Variants in IGLL5 observed in about 807,000 individuals in gnomAD.
IGLL5 encodes the protein immunoglobulin lambda like polypeptide 5.
A neutral mutation model predicts 20.9 loss-of-function variants in IGLL5; 30 were observed. The ratio of observed to expected loss-of-function variants is 1.44; its 90% CI spans 1.07 to 1.95. The LOEUF (loss-of-function observed/expected upper bound fraction) is 1.95, where lower values mean the gene tolerates loss of function less well. Among genes scored for constraint, IGLL5 ranks in the 30% most tolerant of loss-of-function variants. The pLI, the probability that IGLL5 is intolerant of heterozygous loss-of-function variation, is 0.00. For missense variants in IGLL5, 475 were observed against 270.7 expected (o/e 1.75, Z -5.30); for synonymous variants, 203 against 117.3 (o/e 1.73, Z -4.72).
rs1161473606 is a variant in IGLL5 at position 22,895,997 on chromosome 22, C to T, written c.*303C>T. The T allele has an allele frequency of 3.7e-6, 2 of 539,386 alleles. No homozygotes were observed. Among genetic ancestry groups the T allele is most frequent in the Non-Finnish European group, 3.3e-6 (1 of 301,126 alleles). The allele number at this position is 539,386 out of a possible 1,614,324, so 33.4% of individuals were successfully genotyped here. ...CAGAGGGTCCTTCCTCTCCCAGTCACCCCTTCTCCAACTCTCCACTGTACC... is the reference window on the plus strand; with the variant it reads ...CAGAGGGTCCTTCCTCTCCCAGTCATCCCTTCTCCAACTCTCCACTGTACC... On this transcript the variant is annotated 3_prime_UTR_variant, in exon 3 of 3. Transcript: ENST00000526893.
intron 1 of IGLL5, among the ~76,000 whole-genome samples, chr22:22,889,407 A>T (rs79580098): frequency 2.3e-4 from 35 of 151,236 alleles, no homozygotes; most frequent in Non-Finnish European, 4.1e-4. Context: ...GTGTTTATCT[A>T]AACTGGGCAA....
intron 1 of IGLL5, among the ~76,000 whole-genome samples, chr22:22,889,966 T>G (rs1410343705): frequency 6.6e-6 from 1 of 151,158 alleles, no homozygotes; most frequent in Non-Finnish European, 1.5e-5. Context: ...GTCAATGGTG[T>G]GTCTGGCTGG....
Position 22,888,742 on chromosome 22 carries a change from C to G in IGLL5, c.206+483C>G, listed in dbSNP as rs146052513. 2.0e-4 allele frequency among the ~76,000 whole-genome samples: 30 copies of G among 151,152 alleles called. 1 individual carries two copies. The highest frequency in any genetic ancestry group is 3.8e-3 in the Middle Eastern group (1 of 262). On this transcript the variant is annotated intron_variant, in intron 1 of 2. Coordinates refer to ENST00000526893, the MANE Select transcript of IGLL5 (RefSeq NM_001178126.2). ...TCCCCCAAGGCTGTCTGTTCACCAA[C>G]TTGCACATAAATGCTTACTGGGGCC...
rs559131848 is a variant in IGLL5 at position 22,887,971 on chromosome 22, G to A, written c.-83G>A. 1.4e-5 allele frequency: 16 copies of A among 1,113,686 alleles called. No individual in the cohort carries two copies. Among genetic ancestry groups the A allele is most frequent in the Middle Eastern group, 2.1e-4 (1 of 4,674 alleles). The allele number at this position is 1,113,686 out of a possible 1,614,324, so 69.0% of individuals were successfully genotyped here. A position where few individuals can be genotyped will look rare whatever the true frequency, so the allele number is the denominator to read the frequency against. ...GACTGGGGTGTACTGTAACAGCCCTGCTGGCGAGAGGGACCAGGGCACCGT... is the reference window on the plus strand; with the variant it reads ...GACTGGGGTGTACTGTAACAGCCCTACTGGCGAGAGGGACCAGGGCACCGT... On this transcript the variant is annotated 5_prime_UTR_variant, in exon 1 of 3. Transcript: ENST00000526893.
chr22:22,889,892 G>A (rs1364370802), intron 1 of IGLL5, among the ~76,000 whole-genome samples: 1 of 151,266 alleles, frequency 6.6e-6, no homozygotes, highest in Non-Finnish European at 1.5e-5. Context: ...CACTGCACCT[G>A]ACCCAACTGT....
chr22:22,888,470 C>T (rs187858328), intron 1 of IGLL5, among the ~76,000 whole-genome samples: 9 of 151,346 alleles, frequency 5.9e-5, no homozygotes, highest in East Asian at 4.0e-4. Flanking sequence ...TATTATTTTT[C>T]TTGATTTCTG....
intron 1 of IGLL5, among the ~76,000 whole-genome samples, chr22:22,891,517 GT>G (rs1437989072): frequency 1.3e-5 from 2 of 150,874 alleles, no homozygotes; most frequent in African/African-American, 2.4e-5. Flanking sequence ...TCTATTATCT[GT>G]CATTCTTAGA....
At position 22,888,246 on chromosome 22, in the gene IGLL5, A is replaced by G. The variant is rs554150136; in HGVS notation, c.193A>G (p.Ser65Gly). 2.6e-6 allele frequency: 4 copies of G among 1,547,704 alleles called. No individual in the cohort carries two copies. The highest frequency in any genetic ancestry group is 2.0e-5 in the Admixed American group (1 of 50,754). The change falls in exon 1 of 3, where the codon AGC becomes GGC. Residue 65 changes from serine to glycine, a missense_variant. Coordinates refer to ENST00000526893, the MANE Select transcript of IGLL5 (RefSeq NM_001178126.2). ...TGGAAGCAGCCGATCCAGCCTGCGG[A>G]GCCTGTGGGGCAGGTAAGGGGCAAG... ...SVGSSRSSLR[S>G]LWGRLLLQPS...
chr22:22,889,776 G>C (rs2067752678), intron 1 of IGLL5, among the ~76,000 whole-genome samples: 3 of 151,266 alleles, frequency 2.0e-5, no homozygotes, highest in South Asian at 2.1e-4. Context: ...ATTATTATTA[G>C]TTTAGAGACA....
intron 2 of IGLL5, among the ~76,000 whole-genome samples, chr22:22,894,342 G>C (rs2068019449): frequency 6.6e-6 from 1 of 151,546 alleles, no homozygotes; most frequent in African/African-American, 2.4e-5. Context: ...GGAGGGCACA[G>C]AGAGGGCTCT....
chr22:22,893,886 C>T (rs1383708304), intron 2 of IGLL5, 68 bp downstream of exon 2: 6 of 1,087,628 alleles, frequency 5.5e-6, no homozygotes, highest in South Asian at 2.5e-5. Context: ...TGTTTTCTCT[C>T]TCTGGGGCTT....
intron 1 of IGLL5, among the ~76,000 whole-genome samples, chr22:22,890,989 G>A (rs1286239863): frequency 2.0e-5 from 3 of 150,770 alleles, no homozygotes; most frequent in Admixed American, 6.7e-5. Flanking sequence ...GATATATTTG[G>A]GATTTTAACC....
intron 1 of IGLL5, among the ~76,000 whole-genome samples, chr22:22,888,479 T>G (rs2067603762): frequency 1.3e-5 from 2 of 151,470 alleles, no homozygotes; most frequent in South Asian, 2.1e-4. Context: ...TCTTGATTTC[T>G]GAGTTTTCTG....
chr22:22,888,812 T>A (rs573075710), intron 1 of IGLL5, among the ~76,000 whole-genome samples: 1 of 151,294 alleles, frequency 6.6e-6, no homozygotes, highest in Non-Finnish European at 1.5e-5. Flanking sequence ...AGGGGAGCTG[T>A]CCAGTCATTG....
chr22:22,888,099 C>A lies in IGLL5; in HGVS notation c.46C>A (p.Leu16Met), dbSNP rs564743210. The A allele has an allele frequency of 2.6e-6, 4 of 1,549,368 alleles. No individual in the cohort carries two copies. Among genetic ancestry groups the A allele is most frequent in the East Asian group, 2.5e-5 (1 of 40,670 alleles). The change falls in exon 1 of 3, where the codon CTG (leucine) becomes ATG (methionine). Residue 16 changes from leucine to methionine, a missense_variant. Transcript: ENST00000526893. ...GQVGCETPEE[L>M]GPGPRQRWPL... Reference sequence around the variant, plus strand: ...AGTGGGTTGTGAGACCCCTGAGGAGCTGGGCCCTGGTCCCAGGCAGCGCTG... The same window carrying A: ...AGTGGGTTGTGAGACCCCTGAGGAGATGGGCCCTGGTCCCAGGCAGCGCTG...
At chr22:22,894,761 A>G (rs2066694460) in intron 2 of IGLL5, among the ~76,000 whole-genome samples, 2 of 151,078 alleles carry the variant, frequency 1.3e-5, no homozygotes, top group Admixed American at 1.3e-4. Context: ...GGGCTTGTGG[A>G]GACAGGAAAC....
intron 1 of IGLL5, among the ~76,000 whole-genome samples, chr22:22,890,123 T>C (rs2067777427): frequency 6.8e-6 from 1 of 147,328 alleles, no homozygotes; most frequent in Admixed American, 6.8e-5. Context: ...ATGAGTATAT[T>C]ACAAAATGTA....
intron 2 of IGLL5, among the ~76,000 whole-genome samples, 158 bp downstream of exon 2, chr22:22,893,976 G>A (rs1408255061): frequency 7.9e-5 from 12 of 151,218 alleles, no homozygotes; most frequent in South Asian, 4.2e-4. Flanking sequence ...TTAGTCTCCG[G>A]GTAACCGGCA....
chr22:22,894,440 A>T (rs78420353), intron 2 of IGLL5, among the ~76,000 whole-genome samples: 4 of 151,378 alleles, frequency 2.6e-5, no homozygotes, highest in East Asian at 2.0e-4. Context: ...AGGTGCCAGA[A>T]TCCAACCCTC....
Sources: allele counts gnomAD v4.1 joint callset (sites outside exome capture counted in the v4.1 genomes callset), GRCh38; gene constraint gnomAD v4.1.1; transcripts MANE v1.5; gene names NCBI Gene and HGNC (gene_info 2026-07-23, HGNC 2026-07-21).